Variants in ADAMTSL3 observed in about 807,000 individuals in gnomAD.
ADAMTSL3 encodes ADAMTS-like protein 3.
A neutral mutation model predicts 201.7 loss-of-function variants in ADAMTSL3; 128 were observed. The observed-to-expected ratio is 0.63, with a 90% CI of 0.55 to 0.73. ADAMTSL3 has a LOEUF of 0.73. Among genes scored for constraint, ADAMTSL3 ranks in the 30% least tolerant of loss-of-function variants. ADAMTSL3 has a pLI of 0.00. For synonymous variants in ADAMTSL3, 738 were observed against 748.4 expected (o/e 0.99, Z 0.23); for missense variants, 1,990 against 2,119.6 (o/e 0.94, Z 1.20).
At chr15:83,869,892 C>T (rs975117632) in intron 8 of ADAMTSL3, among the ~76,000 whole-genome samples, 10 of 152,032 alleles carry the variant, frequency 6.6e-5, no homozygotes, top group African/African-American at 1.9e-4. Context: ...GAGAAAAATA[C>T]GGGGCCAGAA....
intron 2 of ADAMTSL3, 54 bp from the exon 3 acceptor site, chr15:83,704,335 G>C: frequency 6.2e-7 from 1 of 1,612,728 alleles, no homozygotes. Flanking sequence ...GACTTTACCT[G>C]TCAGGGGGTC....
intron 3 of ADAMTSL3, among the ~76,000 whole-genome samples, chr15:83,726,099 A>G (rs1383009604): frequency 6.6e-6 from 1 of 152,060 alleles, no homozygotes; most frequent in Non-Finnish European, 1.5e-5. Context: ...TTTTCATTGT[A>G]GAAATCTTTC....
rs892864576 is a variant in ADAMTSL3, at chr15:83,983,055, G to T, written c.3427G>T (p.Glu1143Ter). Reference protein sequence around the residue: ...PTHMQWRGIQEETPPAAQLRG... With the variant: ...PTHMQWRGIQ ...ACACATGCAGTGGCGGGGCATCCAG[G>T]AAGAGACACCTCCTGCTGCTCAGCT... Residue 1143 changes from glutamate (E) to a stop codon, truncating the protein, a stop_gained, in exon 21 of 30, where the codon GAA becomes TAA. Transcript: ENST00000286744. LOFTEE classifies it high-confidence loss of function. 1.9e-6 allele frequency: 3 copies of T among 1,614,114 alleles called. No homozygotes were observed. The highest frequency in any genetic ancestry group is 2.5e-6 in the Non-Finnish European group (3 of 1,180,026).
At chr15:83,730,348 G>A (rs968473789) in intron 3 of ADAMTSL3, among the ~76,000 whole-genome samples, 4 of 152,072 alleles carry the variant, frequency 2.6e-5, no homozygotes, top group African/African-American at 7.2e-5. Context: ...CCAAACCAAT[G>A]GATTTTACAG....
intron 3 of ADAMTSL3, among the ~76,000 whole-genome samples, chr15:83,752,759 C>T (rs1197354248): frequency 3.9e-5 from 6 of 152,196 alleles, no homozygotes; most frequent in Non-Finnish European, 5.9e-5. Flanking sequence ...TGACACAGCT[C>T]TGTAGAAGTT....
intron 2 of ADAMTSL3, among the ~76,000 whole-genome samples, chr15:83,662,342 A>G (rs1027114636): frequency 1.4e-5 from 2 of 141,748 alleles, no homozygotes; most frequent in East Asian, 2.1e-4. Flanking sequence ...CAAACACCGC[A>G]TATTCTCACT....
At chr15:83,817,135 A>C (rs768094291) in intron 5 of ADAMTSL3, among the ~76,000 whole-genome samples, 3 of 152,246 alleles carry the variant, frequency 2.0e-5, no homozygotes, top group Non-Finnish European at 2.9e-5. Flanking sequence ...AATACAACTA[A>C]TCTCAGAAGA....
intron 22 of ADAMTSL3, among the ~76,000 whole-genome samples, 158 bp from the exon 23 acceptor site, chr15:83,990,928 T>C (rs1367114676): frequency 6.6e-6 from 1 of 152,200 alleles, no homozygotes; most frequent in African/African-American, 2.4e-5. Flanking sequence ...TCCAGGTATG[T>C]ATGTGCACAT....
intron 16 of ADAMTSL3, among the ~76,000 whole-genome samples, chr15:83,918,468 A>C (rs1219347087): frequency 6.6e-6 from 1 of 152,244 alleles, no homozygotes; most frequent in Admixed American, 6.5e-5. Flanking sequence ...ACCTAATTAC[A>C]CTTGAATTTA....
intron 15 of ADAMTSL3, among the ~76,000 whole-genome samples, chr15:83,908,189 G>A (rs975766447): frequency 3.3e-5 from 5 of 152,208 alleles, no homozygotes; most frequent in African/African-American, 1.2e-4. Context: ...AAGTGCTTCT[G>A]TATCCTCTGA....
intron 3 of ADAMTSL3, 87 bp downstream of exon 3, chr15:83,704,595 A>G (rs1163155831): frequency 6.5e-7 from 1 of 1,540,638 alleles, no homozygotes; most frequent in Non-Finnish European, 8.8e-7. Context: ...CAAAGTAATT[A>G]TATTTTCCTC....
chr15:84,015,187 G>T (rs2068069810), intron 24 of ADAMTSL3, among the ~76,000 whole-genome samples: 2 of 152,214 alleles, frequency 1.3e-5, no homozygotes, highest in Admixed American at 6.5e-5. Flanking sequence ...CTCGTGATCT[G>T]CCCGCCTTGG....
At position 84,025,413 on chromosome 15, in the gene ADAMTSL3, GTTC is replaced by G; in HGVS notation, c.4634_4636del (p.Val1545_Gln1546delinsGlu). Reference sequence around the variant, plus strand: ...AAAACCATGTTTTGGTCATCCATGTGTTCAGTGGGAACCAGGGAACCGGGTAAA... The same window carrying G: ...AAAACCATGTTTTGGTCATCCATGTGAGTGGGAACCAGGGAACCGGGTAAA... On this transcript the variant is annotated inframe_deletion, in exon 27 of 30. Transcript: ENST00000286744. 1 of 1,614,014 alleles carries G rather than the reference GTTC, an allele frequency of 6.2e-7. No individual in the cohort carries two copies. The highest frequency in any genetic ancestry group is 8.5e-7 in the Non-Finnish European group (1 of 1,179,960).
In ADAMTSL3 at chr15:84,025,277, C is replaced by G; in HGVS notation, c.4497C>G (p.Cys1499Trp). The change falls in exon 27 of 30, where the codon TGC becomes TGG. Residue 1499 changes from cysteine (C) to tryptophan (W), a missense_variant. By Grantham distance (215) the Cys-to-Trp change is radical. Transcript: ENST00000286744. ...TGTGGTCACAGTGCTCTGTGTCTTG[C>G]GGTGAAGGATACCACAGTCGGCAGG... ...TSVWSQCSVSCGEGYHSRQVT... is the reference protein window; with the variant it reads ...TSVWSQCSVSWGEGYHSRQVT... 6.2e-7 allele frequency: 1 copy of G among 1,612,510 alleles called. No individual in the cohort carries two copies. Among genetic ancestry groups the G allele is most frequent in the Non-Finnish European group, 8.5e-7 (1 of 1,179,234 alleles).
chr15:83,763,059 G>A lies in ADAMTSL3; in HGVS notation c.190-10464G>A, dbSNP rs571982186. ...ACACCATTACACTTGACTAATTTTT[G>A]TATTTTTTTAGTAGAGACGGGGTTT... is the stretch of plus-strand genomic sequence containing the variant. On this transcript the variant is annotated intron_variant, in intron 3 of 29. Coordinates refer to ENST00000286744, the MANE Select transcript of ADAMTSL3 (RefSeq NM_207517.3). 2.4e-4 allele frequency among the ~76,000 whole-genome samples: 37 copies of A among 152,136 alleles called. 1 individual carries two copies. In the South Asian group the frequency reaches 7.3e-3, roughly 30 times the overall value.
At chr15:84,020,216 C>G (rs1319282270) in intron 25 of ADAMTSL3, among the ~76,000 whole-genome samples, 3 of 151,310 alleles carry the variant, frequency 2.0e-5, no homozygotes, top group African/African-American at 7.3e-5. Context: ...CTTGAACTGC[C>G]AAGGTGTCTT....
intron 15 of ADAMTSL3, among the ~76,000 whole-genome samples, chr15:83,909,127 T>C (rs1196195923): frequency 6.6e-6 from 1 of 152,216 alleles, no homozygotes; most frequent in African/African-American, 2.4e-5. Context: ...TACTTACATT[T>C]CTGACTCTAG....
chr15:84,018,472 G>A (rs2068128444), intron 25 of ADAMTSL3, among the ~76,000 whole-genome samples: 1 of 152,178 alleles, frequency 6.6e-6, no homozygotes, highest in African/African-American at 2.4e-5. Context: ...AGTGGTAAGG[G>A]CTATGAGATA....
chr15:83,674,204 A>G (rs1384721072), intron 2 of ADAMTSL3, among the ~76,000 whole-genome samples: 5 of 151,494 alleles, frequency 3.3e-5, no homozygotes, highest in Non-Finnish European at 7.4e-5. Context: ...TTTCTTCTAA[A>G]TATTTTATAG....
Sources: gnomAD v4.1 joint callset for allele counts (sites outside exome capture counted in the v4.1 genomes callset) on GRCh38, gnomAD v4.1.1 for gene constraint, MANE v1.5 for transcripts, NCBI Gene and HGNC (gene_info 2026-07-23, HGNC 2026-07-21) for gene names.